PDE5A: variants seen among roughly 807,000 people sequenced by gnomAD.
PDE5A encodes cGMP-specific 3',5'-cyclic phosphodiesterase.
A neutral mutation model predicts 110.2 loss-of-function variants in PDE5A; 67 were observed. The observed-to-expected ratio is 0.61, with a 90% confidence interval of 0.50 to 0.75. PDE5A has a LOEUF of 0.75. Ranked by LOEUF, PDE5A falls within the 30% of genes least tolerant of loss-of-function variation. The pLI is 0.00. For synonymous variants in PDE5A, 328 were observed against 351.2 expected (o/e 0.93, Z 0.74); for missense variants, 862 against 1,045.1 (o/e 0.82, Z 2.42).
intron 15 of PDE5A, 36 bp from the exon 16 acceptor site, chr4:119,507,740 G>C: frequency 2.2e-6 from 3 of 1,364,454 alleles, no homozygotes; most frequent in African/African-American, 1.5e-5. Flanking sequence ...TAACATCCTG[G>C]AGAAGCTGCT....
chr4:119,503,189 G>C (rs1226198040), intron 18 of PDE5A, among the ~76,000 whole-genome samples: 2 of 152,064 alleles, frequency 1.3e-5, no homozygotes, highest in Non-Finnish European at 1.5e-5. Context: ...GAGTTACTAG[G>C]CTCCCTGACT....
chr4:119,615,538 T>G (rs1729906807), intron 1 of PDE5A, among the ~76,000 whole-genome samples: 1 of 150,024 alleles, frequency 6.7e-6, no homozygotes, highest in Non-Finnish European at 1.5e-5. Context: ...GCCAGCAACA[T>G]GCACCATGAA....
At chr4:119,530,186 C>T (rs1726480476) in intron 11 of PDE5A, among the ~76,000 whole-genome samples, 4 of 152,198 alleles carry the variant, frequency 2.6e-5, no homozygotes, top group Admixed American at 2.6e-4. Context: ...GTGTGATGGG[C>T]AGAAACTGTA....
At chr4:119,626,399 T>G (rs1373575365) in intron 1 of PDE5A, among the ~76,000 whole-genome samples, 2 of 152,216 alleles carry the variant, frequency 1.3e-5, no homozygotes, top group African/African-American at 4.8e-5. Context: ...CATCCCTAGT[T>G]TACATCTTTA....
chr4:119,580,105 G>C (rs572942513), intron 3 of PDE5A, among the ~76,000 whole-genome samples: 133 of 152,250 alleles, frequency 8.7e-4, no homozygotes, highest in Non-Finnish European at 1.5e-3. Context: ...TGTGGGACTA[G>C]AGTCAACCTG....
intron 3 of PDE5A, among the ~76,000 whole-genome samples, chr4:119,580,158 T>C (rs1402888821): frequency 1.3e-5 from 2 of 152,158 alleles, no homozygotes; most frequent in Admixed American, 1.3e-4. Flanking sequence ...GGCATAATTA[T>C]TGATCCTAGT....
chr4:119,501,329 G>C (rs905524542), intron 19 of PDE5A, 76 bp from the exon 20 acceptor site: 4 of 894,656 alleles, frequency 4.5e-6, no homozygotes, highest in Non-Finnish European at 7.2e-6. Flanking sequence ...ATTATTTTTT[G>C]AGATGGAGTC....
chr4:119,599,226 A>T (rs1459717936), intron 2 of PDE5A, among the ~76,000 whole-genome samples: 1 of 152,148 alleles, frequency 6.6e-6, no homozygotes. Flanking sequence ...TCCCTTTTTT[A>T]AAGGAAGAGG....
chr4:119,588,173 T>C (rs1578803193), intron 3 of PDE5A, among the ~76,000 whole-genome samples: 1 of 148,554 alleles, frequency 6.7e-6, no homozygotes, highest in African/African-American at 2.5e-5. Context: ...ATTTTTTCTT[T>C]TTTTTTTTTT....
chr4:119,622,391 TTCTC>T (rs537214870), intron 1 of PDE5A, among the ~76,000 whole-genome samples: 130 of 152,262 alleles, frequency 8.5e-4, no homozygotes, highest in African/African-American at 3.1e-3. Flanking sequence ...TGGTGATCCT[TTCTC>T]TCCCGATTTT....
chr4:119,533,440 A>G (rs1428483785), intron 11 of PDE5A, among the ~76,000 whole-genome samples: 1 of 152,162 alleles, frequency 6.6e-6, no homozygotes, highest in Non-Finnish European at 1.5e-5. Context: ...TAAAGAAGAA[A>G]CCACACAATT....
intron 4 of PDE5A, among the ~76,000 whole-genome samples, chr4:119,566,466 T>A (rs187108066): frequency 3.9e-4 from 59 of 152,268 alleles, no homozygotes; most frequent in African/African-American, 1.4e-3. Context: ...ATCGACAGGT[T>A]TACGGGCTTT....
intron 14 of PDE5A, among the ~76,000 whole-genome samples, chr4:119,513,782 A>AAC (rs1427013739): frequency 2.6e-5 from 4 of 152,344 alleles, no homozygotes; most frequent in Non-Finnish European, 5.9e-5. Flanking sequence ...GTGGTTATTT[A>AAC]ACACAAACAA....
Position 119,498,511 on chromosome 4 carries a change from A to C in PDE5A, c.*90T>G. The C allele has an allele frequency of 7.1e-7, 1 of 1,414,208 alleles. No homozygotes were observed. 87.6% of individuals were successfully genotyped at this position (1,414,208 alleles called of 1,614,324 possible). A position where few individuals can be genotyped will look rare whatever the true frequency, so the allele number is the denominator to read the frequency against. ...AGCAGTGGCAAAGTATATACCAAAT[A>C]CAGACACTATACAGACAGTGTGTAA... On this transcript the variant is annotated 3_prime_UTR_variant, in exon 21 of 21. Transcript: ENST00000354960.
At chr4:119,618,642 G>C (rs1460642464) in intron 1 of PDE5A, among the ~76,000 whole-genome samples, 5 of 151,574 alleles carry the variant, frequency 3.3e-5, no homozygotes, top group African/African-American at 1.2e-4. Context: ...TCAAAAATAA[G>C]TTATAGATTT....
chr4:119,555,791 C>T (rs907684603), intron 7 of PDE5A, among the ~76,000 whole-genome samples: 2 of 152,100 alleles, frequency 1.3e-5, no homozygotes, highest in African/African-American at 4.8e-5. Flanking sequence ...ACTTCTAAAT[C>T]AACAAATACC....
chr4:119,622,951 A>G (rs1366116871), intron 1 of PDE5A, among the ~76,000 whole-genome samples: 1 of 151,710 alleles, frequency 6.6e-6, no homozygotes, highest in Non-Finnish European at 1.5e-5. Context: ...CTTAACACTC[A>G]GTTTGCTTTA....
At chr4:119,571,502 G>A (rs1728138573) in intron 3 of PDE5A, among the ~76,000 whole-genome samples, 1 of 152,150 alleles carries the variant, frequency 6.6e-6, no homozygotes, top group African/African-American at 2.4e-5. Flanking sequence ...AAGGGGTACA[G>A]GCAGCCTATG....
chr4:119,504,833 C>G (rs898597885), intron 17 of PDE5A, among the ~76,000 whole-genome samples: 1 of 152,072 alleles, frequency 6.6e-6, no homozygotes, highest in South Asian at 2.1e-4. Context: ...CAAACTGCCT[C>G]ATTTAGCTCC....
Sources: allele counts gnomAD v4.1 joint callset (sites outside exome capture counted in the v4.1 genomes callset), GRCh38; gene constraint gnomAD v4.1.1; transcripts MANE v1.5; gene names NCBI Gene and HGNC (gene_info 2026-07-23, HGNC 2026-07-21).